The following POLR3B variants were observed in gnomAD, a reference collection of about 807,000 sequenced individuals.
POLR3B encodes DNA-directed RNA polymerase III subunit RPC2.
A neutral mutation model predicts 147.4 loss-of-function variants in POLR3B; 96 were observed. The observed-to-expected ratio is 0.65, with a 90% CI of 0.55 to 0.77. POLR3B has a LOEUF of 0.77. POLR3B is among the 30% of genes least tolerant of loss of function. POLR3B has a pLI of 0.00. For missense variants in POLR3B, 1,036 were observed against 1,413.5 expected (o/e 0.73, Z 4.28); for synonymous variants, 461 against 485.9 (o/e 0.95, Z 0.67).
chr12:106,437,691 G>C lies in POLR3B; in HGVS notation c.1867G>C (p.Asp623His). The change falls in exon 18 of 28, where the codon GAT (aspartate) becomes CAT (histidine). Residue 623 changes from aspartate to histidine, a missense_variant. Physicochemically the swap from Asp to His is moderately conservative, Grantham distance 81. This residue lies in a region of POLR3B where 177 missense variants were observed against 232.7 expected (regional missense o/e 0.76). Transcript: ENST00000228347. ...ELAQGYRNFEDFLHESLVEYL... is the reference protein window; with the variant it reads ...ELAQGYRNFEHFLHESLVEYL... ...CCAATATTTTCCCAGGAATTTTGAA[G>C]ATTTCTTACATGAGAGTCTGGTTGA... 1 of 1,587,132 alleles carries C rather than the reference G, an allele frequency of 6.3e-7. No individual in the cohort carries two copies. The highest frequency in any genetic ancestry group is 8.7e-7 in the Non-Finnish European group (1 of 1,155,776).
At chr12:106,387,039 G>A (rs1197870338) in intron 9 of POLR3B, among the ~76,000 whole-genome samples, 2 of 152,154 alleles carry the variant, frequency 1.3e-5, no homozygotes, top group Middle Eastern at 3.2e-3. Flanking sequence ...TTAACAATAT[G>A]CATATTTATG....
chr12:106,453,567 G>C (rs12823974), intron 19 of POLR3B, among the ~76,000 whole-genome samples: 1 of 152,040 alleles, frequency 6.6e-6, no homozygotes, highest in East Asian at 1.9e-4. Flanking sequence ...CCTAGGAGAA[G>C]TTAAAGAGGC....
At chr12:106,405,824 C>A in intron 10 of POLR3B, 33 bp from the exon 11 acceptor site, 1 of 1,606,850 alleles carries the variant, frequency 6.2e-7, no homozygotes, top group South Asian at 1.1e-5. Flanking sequence ...CCAGTGATGT[C>A]ATTCAAACAT....
intron 19 of POLR3B, among the ~76,000 whole-genome samples, chr12:106,451,633 C>CG (rs1555214725): frequency 0.14 from 3,241 of 22,996 alleles, 79 homozygotes; most frequent in Middle Eastern, 0.27. Flanking sequence ...TAAAAAAAGG[C>CG]GGGGGGGGAG....
At chr12:106,428,576 C>T (rs991977854) in intron 13 of POLR3B, among the ~76,000 whole-genome samples, 9 of 152,136 alleles carry the variant, frequency 5.9e-5, no homozygotes, top group Non-Finnish European at 4.4e-5. Context: ...AACATCTTGG[C>T]TTCACTCCCA....
At chr12:106,471,129 A>G (rs1287182867) in intron 23 of POLR3B, among the ~76,000 whole-genome samples, 2 of 152,160 alleles carry the variant, frequency 1.3e-5, no homozygotes, top group African/African-American at 2.4e-5. Context: ...CGCTTTGTTT[A>G]CACTGTGAAC....
chr12:106,482,471 G>A (rs1367670085), intron 23 of POLR3B, among the ~76,000 whole-genome samples: 1 of 152,158 alleles, frequency 6.6e-6, no homozygotes, highest in East Asian at 1.9e-4. Flanking sequence ...CAAAGGGGAA[G>A]CAGGCACATC....
rs911321783 is a variant in POLR3B at position 106,507,952 on chromosome 12, T to C, written c.3273-1468T>C. 8.8e-5 allele frequency: 31 copies of C among 353,990 alleles called. 1 individual carries two copies. Among genetic ancestry groups the C allele is most frequent in the South Asian group, 6.4e-4 (29 of 45,646 alleles). 21.9% of individuals were successfully genotyped at this position (353,990 alleles called of 1,614,324 possible). A position where few individuals can be genotyped will look rare whatever the true frequency, so the allele number is the denominator to read the frequency against. ...TGACCACTATTAACATTTTGGTGAC[T>C]CTTTCAAGATTCTGATAAGGGCAGA... is the stretch of plus-strand genomic sequence containing the variant. On this transcript the variant is annotated intron_variant, in intron 27 of 27. Coordinates refer to ENST00000228347, the MANE Select transcript of POLR3B (RefSeq NM_018082.6).
intron 8 of POLR3B, among the ~76,000 whole-genome samples, chr12:106,379,395 T>C (rs980787402): frequency 3.9e-5 from 6 of 152,242 alleles, no homozygotes; most frequent in Non-Finnish European, 5.9e-5. Context: ...CATAAGTGAT[T>C]TTGAGACAAT....
At chr12:106,441,219 A>G (rs1022317187) in intron 18 of POLR3B, among the ~76,000 whole-genome samples, 10 of 152,164 alleles carry the variant, frequency 6.6e-5, no homozygotes, top group African/African-American at 2.2e-4. Flanking sequence ...CCATATTAGT[A>G]TATATATTTA....
intron 23 of POLR3B, among the ~76,000 whole-genome samples, chr12:106,492,126 G>A (rs1010628706): frequency 3.9e-5 from 6 of 151,940 alleles, no homozygotes; most frequent in Admixed American, 2.0e-4. Context: ...ACTAGAATGT[G>A]TTAATTTTTC....
intron 1 of POLR3B, among the ~76,000 whole-genome samples, chr12:106,360,154 C>T (rs1485481534): frequency 1.3e-5 from 2 of 152,250 alleles, no homozygotes; most frequent in African/African-American, 4.8e-5. Flanking sequence ...GCCTACCTGG[C>T]ACCTGACTTG....
chr12:106,414,276 A>G (rs2249162), intron 12 of POLR3B, among the ~76,000 whole-genome samples: 35,749 of 150,436 alleles, frequency 0.24, 5,834 homozygotes, highest in East Asian at 0.71. Flanking sequence ...TCCAGTATCT[A>G]ATGTTCTAAA....
chr12:106,493,665 T>G (rs2038435428), intron 23 of POLR3B, among the ~76,000 whole-genome samples: 2 of 152,252 alleles, frequency 1.3e-5, no homozygotes, highest in South Asian at 2.1e-4. Flanking sequence ...ACTAGTGCTC[T>G]TCATCTAATG....
intron 1 of POLR3B, among the ~76,000 whole-genome samples, chr12:106,361,549 T>C (rs1259075010): frequency 6.6e-6 from 1 of 152,200 alleles, no homozygotes; most frequent in African/African-American, 2.4e-5. Flanking sequence ...CACTCATTTA[T>C]TTATTCAGTA....
At chr12:106,485,839 G>T (rs2038330040) in intron 23 of POLR3B, among the ~76,000 whole-genome samples, 1 of 152,098 alleles carries the variant, frequency 6.6e-6, no homozygotes, top group South Asian at 2.1e-4. Context: ...GGAGAGATTT[G>T]GGCTAGAGAA....
At chr12:106,379,940 C>G in intron 8 of POLR3B, 91 bp from the exon 9 acceptor site, 1 of 761,570 alleles carries the variant, frequency 1.3e-6, no homozygotes, top group Non-Finnish European at 2.4e-6. Flanking sequence ...ATCAGTTGAC[C>G]CTTATTGATT....
intron 11 of POLR3B, 29 bp from the exon 12 acceptor site, chr12:106,410,797 A>T (rs377323906): frequency 1.2e-6 from 2 of 1,609,460 alleles, no homozygotes; most frequent in African/African-American, 1.3e-5. Context: ...CCATTTTCTC[A>T]AAATTTTTCT....
At chr12:106,444,338 A>T (rs1263418763) in intron 18 of POLR3B, 125 bp from the exon 19 acceptor site, 1 of 861,020 alleles carries the variant, frequency 1.2e-6, no homozygotes, top group Non-Finnish European at 1.9e-6. Flanking sequence ...CAGTTTTACT[A>T]GCATCAAATT....
Sources: allele counts gnomAD v4.1 joint callset (sites outside exome capture counted in the v4.1 genomes callset), GRCh38; gene constraint gnomAD v4.1.1; regional missense constraint gnomAD v4.1.1; transcripts MANE v1.5; gene names NCBI Gene and HGNC (gene_info 2026-07-23, HGNC 2026-07-21).